Variants in SECISBP2 observed in about 807,000 individuals in gnomAD.
The protein encoded by SECISBP2 is SECIS binding protein 2.
In SECISBP2, 96 loss-of-function variants were observed where a neutral mutation model predicts 98.2. That is an observed-to-expected ratio of 0.98 (90% CI 0.83 to 1.16). SECISBP2 has a LOEUF of 1.16. SECISBP2 is among the 50% of genes most tolerant of loss of function. The pLI is 0.00. For missense variants in SECISBP2, 1,046 were observed against 1,022.9 expected, an observed-to-expected ratio of 1.02 and a Z score of -0.31; for synonymous variants, 407 against 370.2, an observed-to-expected ratio of 1.10 and a Z score of -1.14.
chr9:89,328,815 C>G lies in SECISBP2; in HGVS notation c.730C>G (p.Pro244Ala). 6.2e-7 allele frequency: 1 copy of G among 1,614,152 alleles called. No individual in the cohort carries two copies. The highest frequency in any genetic ancestry group is 1.3e-5 in the African/African-American group (1 of 75,044). The change falls in exon 5 of 17, where the codon CCT becomes GCT. Residue 244 changes from proline (P) to alanine (A), a missense_variant. Coordinates refer to ENST00000375807, the MANE Select transcript of SECISBP2 (RefSeq NM_024077.5). Reference sequence around the variant, plus strand: ...GATACAGAAGCAACCCAAGTGGGGACCTGTCCACTCTGTCTCTACCGACAT... The same window carrying G: ...GATACAGAAGCAACCCAAGTGGGGAGCTGTCCACTCTGTCTCTACCGACAT... ...SEIQKQPKWG[P>A]VHSVSTDISL...
intron 14 of SECISBP2, among the ~76,000 whole-genome samples, chr9:89,354,437 T>C (rs1831751837): frequency 6.6e-6 from 1 of 152,182 alleles, no homozygotes; most frequent in Non-Finnish European, 1.5e-5. Flanking sequence ...AGACTCTTAA[T>C]ATCCCAGAGA....
downstream of SECISBP2, among the ~76,000 whole-genome samples, chr9:89,362,897 C>T (rs2132180999): frequency 6.6e-6 from 1 of 152,348 alleles, no homozygotes; most frequent in East Asian, 1.9e-4. Flanking sequence ...ACAACTTTGT[C>T]TCCGTGGGGA....
rs148826175 is a variant in SECISBP2 at position 89,328,606 on chromosome 9, G to A, written c.575-54G>A. On this transcript the variant is annotated intron_variant, in intron 4 of 16. Coordinates refer to ENST00000375807, the MANE Select transcript of SECISBP2 (RefSeq NM_024077.5). ...ACTCTGCAATTTTTGCTTGCATACTGGTCATCAAACAGTAACTAAATTTTT... is the reference window on the plus strand; with the variant it reads ...ACTCTGCAATTTTTGCTTGCATACTAGTCATCAAACAGTAACTAAATTTTT... 77 of 1,452,694 alleles carry A rather than the reference G, an allele frequency of 5.3e-5. No individual in the cohort carries two copies. The East Asian group carries it at 1.7e-3, about 33-fold the overall frequency. The allele number at this position is 1,452,694 out of a possible 1,614,324, so 90.0% of individuals were successfully genotyped here.
intron 14 of SECISBP2, chr9:89,355,480 C>T: frequency 1.0e-6 from 1 of 955,418 alleles, no homozygotes; most frequent in Non-Finnish European, 1.2e-6. Flanking sequence ...ATTTGTTGCC[C>T]ATTTGCTTTT....
downstream of SECISBP2, among the ~76,000 whole-genome samples, chr9:89,363,273 C>CA (rs564784754): frequency 2.0e-5 from 3 of 152,152 alleles, no homozygotes; most frequent in East Asian, 1.9e-4. Flanking sequence ...GATTTCCCCC[C>CA]CCAGTGTTGC....
At chr9:89,362,243 C>A, downstream of SECISBP2, 1 of 1,267,982 alleles carries the variant, frequency 7.9e-7, no homozygotes, top group Non-Finnish European at 1.1e-6. Flanking sequence ...TGTCCCGCCT[C>A]TGCCCATCAG....
Position 89,350,981 on chromosome 9 carries a change from T to C in SECISBP2, c.2113+129T>C, listed in dbSNP as rs530841248. On this transcript the variant is annotated intron_variant, in intron 14 of 16. Coordinates refer to ENST00000375807, the MANE Select transcript of SECISBP2 (RefSeq NM_024077.5). ...CAACTCGTTTTCTTTGTGGTTTTTG[T>C]TTTTATTGAGTAACTGTTTCCCAAC... The C allele has an allele frequency of 2.1e-4, 163 of 792,354 alleles. 1 individual carries two copies. In the African/African-American group the frequency reaches 2.4e-3, roughly 12 times the overall value. 49.1% of individuals were successfully genotyped at this position (792,354 alleles called of 1,614,324 possible).
intron 14 of SECISBP2, among the ~76,000 whole-genome samples, chr9:89,356,304 C>G (rs537223686): frequency 2.0e-5 from 3 of 152,200 alleles, no homozygotes; most frequent in Admixed American, 2.0e-4. Context: ...TTCCCCTGTC[C>G]GTGGAAAAAT....
chr9:89,341,419 C>G lies in SECISBP2; in HGVS notation c.1375C>G (p.Leu459Val), dbSNP rs955962402. 6.2e-7 allele frequency: 1 copy of G among 1,613,958 alleles called. No homozygotes were observed. The highest frequency in any genetic ancestry group is 1.3e-5 in the African/African-American group (1 of 74,902). The change falls in exon 10 of 17, where the codon CTG becomes GTG. Residue 459 changes from leucine to valine, a missense_variant. By Grantham distance (32) the Leu-to-Val change is conservative. Coordinates refer to ENST00000375807, the MANE Select transcript of SECISBP2 (RefSeq NM_024077.5). ...QLDLGGMLTA[L>V]EKKQHSQHAK... is the part of the protein sequence containing the mutation. Reference sequence around the variant, plus strand: ...GGACTTGGGGGGCATGCTGACAGCCCTGGAGAAGAAGCAGCACTCTCAGCA... The same window carrying G: ...GGACTTGGGGGGCATGCTGACAGCCGTGGAGAAGAAGCAGCACTCTCAGCA...
chr9:89,326,990 G>A (rs974802948), intron 4 of SECISBP2, among the ~76,000 whole-genome samples: 2 of 152,074 alleles, frequency 1.3e-5, no homozygotes, highest in Non-Finnish European at 2.9e-5. Flanking sequence ...GTGAAACCCC[G>A]TCTCAACTGA....
chr9:89,360,025 T>C (rs1474720199), downstream of SECISBP2, among the ~76,000 whole-genome samples: 1 of 152,222 alleles, frequency 6.6e-6, no homozygotes, highest in Non-Finnish European at 1.5e-5. Flanking sequence ...ATTGGAATAG[T>C]GAGTCAGAAA....
In SECISBP2 at chr9:89,348,134, G is replaced by A. The variant is rs755022869; in HGVS notation, c.1658G>A (p.Ser553Asn). 18 of 1,613,824 alleles carry A rather than the reference G, an allele frequency of 1.1e-5. No homozygotes were observed. In the Admixed American group the frequency reaches 2.2e-4, roughly 19 times the overall value. Residue 553 changes from serine to asparagine, a missense_variant, in exon 12 of 17, where the codon AGT (serine) becomes AAT (asparagine). Coordinates refer to ENST00000375807, the MANE Select transcript of SECISBP2 (RefSeq NM_024077.5). ...CAGCGTCTCCAAGAAAATGCTGTGAGTCCAGCTTTTACCAGTGATGACACA... is the reference window on the plus strand; with the variant it reads ...CAGCGTCTCCAAGAAAATGCTGTGAATCCAGCTTTTACCAGTGATGACACA... ...RKQRLQENAV[S>N]PAFTSDDTQD...
In SECISBP2 at chr9:89,350,676, C is replaced by T. The variant is rs1260178985; in HGVS notation, c.1937C>T (p.Thr646Ile). The change falls in exon 14 of 17, where the codon ACC (threonine) becomes ATC (isoleucine). Residue 646 changes from threonine to isoleucine, a missense_variant. Coordinates refer to ENST00000375807, the MANE Select transcript of SECISBP2 (RefSeq NM_024077.5). The part of the protein sequence containing the change: ...MLSKEVDACV[T>I]DLLKELVRFQ... ...AGTAAAGAAGTGGATGCTTGTGTTACCGACCTACTCAAAGAACTGGTCCGT... is the reference window on the plus strand; with the variant it reads ...AGTAAAGAAGTGGATGCTTGTGTTATCGACCTACTCAAAGAACTGGTCCGT... 6.2e-7 allele frequency: 1 copy of T among 1,614,056 alleles called. No homozygotes were observed. Among genetic ancestry groups the T allele is most frequent in the Non-Finnish European group, 8.5e-7 (1 of 1,180,030 alleles).
chr9:89,328,659 G>A lies in SECISBP2; in HGVS notation c.575-1G>A. ...TCTTACTTTTAATTTTGTAATTACA[G>A]ATGGTTACCATAAGCGAACAGACAG... On this transcript the variant is annotated splice_acceptor_variant, in intron 4 of 16. Transcript: ENST00000375807. LOFTEE classifies it high-confidence loss of function. 1 of 1,612,572 alleles carries A rather than the reference G, an allele frequency of 6.2e-7. No homozygotes were observed. Among genetic ancestry groups the A allele is most frequent in the Non-Finnish European group, 8.5e-7 (1 of 1,178,568 alleles).
chr9:89,364,088 G>C (rs1833195364), downstream of SECISBP2: 7 of 1,552,996 alleles, frequency 4.5e-6, no homozygotes, highest in South Asian at 8.5e-5. Context: ...TTCAGTCCCT[G>C]GGACTGCCCT....
chr9:89,362,499 GTCTCATAGCCCA>G, downstream of SECISBP2: 1 of 1,613,590 alleles, frequency 6.2e-7, no homozygotes, highest in Non-Finnish European at 8.5e-7. Flanking sequence ...AGCCCAGTCT[GTCTCATAGCCCA>G]TCCCAGGCAG....
chr9:89,365,972 T>C, the SECISBP2 span, among the ~76,000 whole-genome samples: 1 of 152,200 alleles, frequency 6.6e-6, no homozygotes, highest in Non-Finnish European at 1.5e-5. Flanking sequence ...CACCAGAGAA[T>C]GCTCCTCCCA....
At chr9:89,354,700 G>T (rs536157134) in intron 14 of SECISBP2, 1 of 913,496 alleles carries the variant, frequency 1.1e-6, no homozygotes, top group South Asian at 5.0e-5. Context: ...CCAACCAAGG[G>T]CCAACCTGAC....
intron 8 of SECISBP2, 88 bp from the exon 9 acceptor site, chr9:89,339,776 C>G (rs1829372318): frequency 2.2e-6 from 2 of 923,280 alleles, no homozygotes; most frequent in Admixed American, 3.4e-5. Context: ...AGGGACCTTA[C>G]TGAAGAATGA....
Sources: gnomAD v4.1 joint callset for allele counts (sites outside exome capture counted in the v4.1 genomes callset) on GRCh38, gnomAD v4.1.1 for gene constraint, MANE v1.5 for transcripts, NCBI Gene and HGNC (gene_info 2026-07-23, HGNC 2026-07-21) for gene names.